The following GABBR2 variants were observed in gnomAD, a reference collection of about 807,000 sequenced individuals.
The protein encoded by GABBR2 is gamma-aminobutyric acid type B receptor subunit 2.
In GABBR2, 23 loss-of-function variants were observed where a neutral mutation model predicts 105.6. That is an observed-to-expected ratio of 0.22 (90% CI 0.16 to 0.31). The LOEUF is 0.31. Among genes scored for constraint, GABBR2 ranks in the 10% least tolerant of loss-of-function variants. GABBR2 has a pLI of 1.00. For synonymous variants in GABBR2, 478 were observed against 499.7 expected (o/e 0.96, Z 0.58); for missense variants, 734 against 1,245.5 (o/e 0.59, Z 6.18).
At chr9:98,656,196 G>A (rs925765912) in intron 1 of GABBR2, among the ~76,000 whole-genome samples, 1 of 152,182 alleles carries the variant, frequency 6.6e-6, no homozygotes, top group Admixed American at 6.5e-5. Flanking sequence ...TAATGGCAGA[G>A]GGCAGGAGAA....
At chr9:98,446,845 C>T (rs1826138113) in intron 7 of GABBR2, among the ~76,000 whole-genome samples, 1 of 152,116 alleles carries the variant, frequency 6.6e-6, no homozygotes, top group African/African-American at 2.4e-5. Context: ...TGGACTATTT[C>T]AGAGCTTCTA....
At chr9:98,567,670 C>T (rs1828770648) in intron 2 of GABBR2, among the ~76,000 whole-genome samples, 1 of 152,208 alleles carries the variant, frequency 6.6e-6, no homozygotes, top group Admixed American at 6.5e-5. Context: ...CATCCCTGTC[C>T]CATCTAATGC....
intron 7 of GABBR2, among the ~76,000 whole-genome samples, chr9:98,420,375 G>A (rs532574543): frequency 4.2e-4 from 64 of 152,344 alleles, no homozygotes; most frequent in Middle Eastern, 3.4e-3. Flanking sequence ...CCCAGTGGCT[G>A]TGCTCATCCC....
intron 11 of GABBR2, among the ~76,000 whole-genome samples, chr9:98,377,467 C>T (rs575270318): frequency 6.6e-6 from 1 of 152,332 alleles, no homozygotes; most frequent in East Asian, 1.9e-4. Context: ...TCCCTTGCTT[C>T]TGGGCCTTAC....
chr9:98,641,129 G>GTTTT (rs34931575), intron 1 of GABBR2, among the ~76,000 whole-genome samples: 2 of 125,238 alleles, frequency 1.6e-5, no homozygotes. Context: ...CTGTGGTTTG[G>GTTTT]TTTTTTTTTT....
At chr9:98,370,457 C>T (rs749816945) in intron 12 of GABBR2, among the ~76,000 whole-genome samples, 8 of 152,128 alleles carry the variant, frequency 5.3e-5, no homozygotes, top group Non-Finnish European at 1.0e-4. Context: ...CTGCCTCTTC[C>T]ACCACTCCTA....
chr9:98,541,545 G>A (rs1828304713), intron 3 of GABBR2, among the ~76,000 whole-genome samples: 1 of 151,616 alleles, frequency 6.6e-6, no homozygotes, highest in African/African-American at 2.4e-5. Flanking sequence ...CCCCCTGGTA[G>A]AACTTTGTGA....
chr9:98,640,816 A>G (rs1480774529), intron 1 of GABBR2, among the ~76,000 whole-genome samples: 1 of 152,148 alleles, frequency 6.6e-6, no homozygotes, highest in African/African-American at 2.4e-5. Context: ...AGAGATTCTG[A>G]GACAGGGCAG....
chr9:98,686,326 G>A (rs1588283282), intron 1 of GABBR2, among the ~76,000 whole-genome samples: 2 of 152,142 alleles, frequency 1.3e-5, no homozygotes, highest in Admixed American at 1.3e-4. Context: ...ATTTGGAACT[G>A]AGCCCAGTTC....
rs144833804 is a variant in GABBR2, at chr9:98,460,171, T to C, written c.1000-5954A>G. On this transcript the variant is annotated intron_variant, in intron 6 of 18. Transcript: ENST00000259455. ...CTGTATTCCCAGCACTTGGGAAGGC[T>C]GAGGTGGGCAGATCACCTGAGGTCA... Among the ~76,000 whole-genome samples the C allele has an allele frequency of 6.4e-3, 975 of 152,284 alleles. 8 individuals carry two copies. Among genetic ancestry groups the C allele is most frequent in the African/African-American group, 0.022 (915 of 41,558 alleles).
chr9:98,469,810 G>A (rs1045436877), intron 6 of GABBR2, among the ~76,000 whole-genome samples: 1 of 152,196 alleles, frequency 6.6e-6, no homozygotes, highest in African/African-American at 2.4e-5. Flanking sequence ...AGGATGACAA[G>A]AGCCCATTCA....
intron 7 of GABBR2, among the ~76,000 whole-genome samples, chr9:98,445,800 C>A (rs1053388603): frequency 2.0e-5 from 3 of 152,222 alleles, no homozygotes; most frequent in African/African-American, 7.2e-5. Flanking sequence ...GCAGGGGCAC[C>A]TGCAGCAGCT....
chr9:98,372,124 C>A (rs921848405), intron 11 of GABBR2, among the ~76,000 whole-genome samples: 1 of 152,186 alleles, frequency 6.6e-6, no homozygotes, highest in African/African-American at 2.4e-5. Flanking sequence ...CCAAGGTGTG[C>A]CCTGACGCCT....
At chr9:98,420,763 G>A (rs983185979) in intron 7 of GABBR2, among the ~76,000 whole-genome samples, 18 of 152,202 alleles carry the variant, frequency 1.2e-4, no homozygotes, top group African/African-American at 4.1e-4. Flanking sequence ...AGGGAAGGTT[G>A]GGGATGGTGA....
At chr9:98,408,684 A>C (rs1485901563) in intron 7 of GABBR2, among the ~76,000 whole-genome samples, 1 of 152,228 alleles carries the variant, frequency 6.6e-6, no homozygotes, top group Non-Finnish European at 1.5e-5. Flanking sequence ...TTTTTATTTG[A>C]TTAGGAGGGA....
intron 13 of GABBR2, among the ~76,000 whole-genome samples, chr9:98,353,708 G>T (rs757256481): frequency 6.6e-6 from 1 of 152,138 alleles, no homozygotes; most frequent in South Asian, 2.1e-4. Flanking sequence ...CAGGTGATAT[G>T]GTTTGGCTGT....
At chr9:98,596,587 A>T (rs772870118) in intron 1 of GABBR2, among the ~76,000 whole-genome samples, 3 of 152,116 alleles carry the variant, frequency 2.0e-5, no homozygotes, top group African/African-American at 4.8e-5. Context: ...GGCCCAGCCC[A>T]GCCCTGCCAT....
intron 6 of GABBR2, among the ~76,000 whole-genome samples, chr9:98,469,454 A>G (rs1281564651): frequency 6.6e-6 from 1 of 152,192 alleles, no homozygotes; most frequent in African/African-American, 2.4e-5. Flanking sequence ...GCCTGGGTGG[A>G]GACACAGAGC....
chr9:98,607,907 A>C, intron 1 of GABBR2: 1 of 1,438,238 alleles, frequency 7.0e-7, no homozygotes, highest in Admixed American at 2.0e-5. Context: ...CAGGTGTTTG[A>C]GATGAAGGTC....
Sources: gnomAD v4.1 joint callset for allele counts (sites outside exome capture counted in the v4.1 genomes callset) on GRCh38, gnomAD v4.1.1 for gene constraint, MANE v1.5 for transcripts, NCBI Gene and HGNC (gene_info 2026-07-23, HGNC 2026-07-21) for gene names.